RAI2: variants seen among roughly 807,000 people sequenced by gnomAD.
The protein encoded by RAI2 is retinoic acid induced 2.
Under a neutral mutation model 15.3 loss-of-function variants are expected in RAI2, and 5 were observed. That is an observed-to-expected ratio of 0.33 (90% CI 0.17 to 0.69). The LOEUF (loss-of-function observed/expected upper bound fraction) is 0.69, where lower values mean the gene tolerates loss of function less well. Ranked by LOEUF, RAI2 falls within the 30% of genes least tolerant of loss-of-function variation. The pLI, the probability that RAI2 is intolerant of heterozygous loss-of-function variation, is 0.69. For synonymous variants in RAI2, 191 were observed against 184.0 expected, an observed-to-expected ratio of 1.04 and a Z score of -0.31; for missense variants, 424 against 424.7, an observed-to-expected ratio of 1.00 and a Z score of 0.01.
At chrX:17,840,744 T>C (rs2067387320) in intron 1 of RAI2, among the ~76,000 whole-genome samples, 1 of 111,799 alleles carries the variant, frequency 8.9e-6, no homozygotes, top group Admixed American at 9.5e-5. Context: ...CTTCACTCCA[T>C]CCCAGACAGC....
chrX:17,810,322 G>A (rs773830466), intron 1 of RAI2, among the ~76,000 whole-genome samples: 1 of 112,071 alleles, frequency 8.9e-6, no homozygotes, highest in South Asian at 3.7e-4. Context: ...AGCATCTAAC[G>A]CCAAAGTATG....
chrX:17,822,000 C>T (rs2067170460), intron 1 of RAI2, among the ~76,000 whole-genome samples: 1 of 111,077 alleles, frequency 9.0e-6, no homozygotes, highest in African/African-American at 3.3e-5. Context: ...TGGCTAATTC[C>T]TTAGGGCCAT....
At chrX:17,844,954 A>G (rs1271420475) in intron 1 of RAI2, among the ~76,000 whole-genome samples, 1 of 112,614 alleles carries the variant, frequency 8.9e-6, no homozygotes, top group Non-Finnish European at 1.9e-5. Context: ...AATTTTTAAC[A>G]CATCTCCCAT....
intron 1 of RAI2, among the ~76,000 whole-genome samples, chrX:17,830,769 T>C (rs1479190999): frequency 9.0e-6 from 1 of 111,281 alleles, no homozygotes; most frequent in Non-Finnish European, 1.9e-5. Flanking sequence ...CCACAACCTG[T>C]CACAAGCTAG....
At chrX:17,816,240 G>A (rs768020219) in intron 1 of RAI2, among the ~76,000 whole-genome samples, 4 of 111,016 alleles carry the variant, frequency 3.6e-5, no homozygotes, top group African/African-American at 1.3e-4. Flanking sequence ...TTGTTGGATT[G>A]TTGCTTCCCA....
intron 1 of RAI2, among the ~76,000 whole-genome samples, chrX:17,803,063 A>G (rs1003661823): frequency 1.8e-5 from 2 of 111,237 alleles, no homozygotes; most frequent in Non-Finnish European, 1.9e-5. Context: ...TAATTCAATA[A>G]TCCTCAGTTT....
intron 1 of RAI2, among the ~76,000 whole-genome samples, chrX:17,824,336 G>A (rs766235823): frequency 7.1e-5 from 8 of 112,354 alleles, no homozygotes; most frequent in Non-Finnish European, 1.5e-4. Context: ...GACACTCTAG[G>A]GCAATGGTGC....
chrX:17,859,038 G>A (rs890258017), intron 1 of RAI2, among the ~76,000 whole-genome samples: 1 of 111,466 alleles, frequency 9.0e-6, no homozygotes, highest in Admixed American at 9.5e-5. Flanking sequence ...GTGGGGGTGT[G>A]GGGGCAGGTG....
intron 1 of RAI2, among the ~76,000 whole-genome samples, chrX:17,828,923 T>C (rs769307220): frequency 1.8e-5 from 2 of 111,687 alleles, no homozygotes; most frequent in Non-Finnish European, 3.8e-5. Flanking sequence ...GGCCTCACAC[T>C]GCATGTGGCT....
intron 1 of RAI2, among the ~76,000 whole-genome samples, chrX:17,852,657 T>C (rs889575463): frequency 1.8e-5 from 2 of 112,147 alleles, no homozygotes; most frequent in African/African-American, 6.5e-5. Flanking sequence ...TTCTAGCCTT[T>C]CAAGGGACTA....
chrX:17,854,899 A>G (rs900982919), intron 1 of RAI2, among the ~76,000 whole-genome samples: 1 of 112,223 alleles, frequency 8.9e-6, no homozygotes, highest in South Asian at 3.8e-4. Context: ...CAGCCCCCTC[A>G]GGAGCCAGAG....
chrX:17,853,507 C>T (rs902021818), intron 1 of RAI2, among the ~76,000 whole-genome samples: 1 of 111,294 alleles, frequency 9.0e-6, no homozygotes, highest in South Asian at 3.8e-4. Context: ...GTGGTGTTAA[C>T]GGTATCTAGT....
At chrX:17,860,132 C>T (rs2067668715) in intron 1 of RAI2, among the ~76,000 whole-genome samples, 2 of 111,315 alleles carry the variant, frequency 1.8e-5, no homozygotes, top group African/African-American at 6.6e-5. Context: ...TCCATCCATC[C>T]GTCGTGCCCC....
chrX:17,829,329 C>T (rs2067259227), intron 1 of RAI2, among the ~76,000 whole-genome samples: 1 of 106,765 alleles, frequency 9.4e-6, no homozygotes, highest in Non-Finnish European at 1.9e-5. Flanking sequence ...AGGATGCTGT[C>T]CAGAGAAATG....
At chrX:17,814,925 G>C (rs1227292078) in intron 1 of RAI2, among the ~76,000 whole-genome samples, 1 of 106,856 alleles carries the variant, frequency 9.4e-6, no homozygotes, top group African/African-American at 3.4e-5. Context: ...TTCATCAGCT[G>C]CATGCTGCCT....
intron 1 of RAI2, among the ~76,000 whole-genome samples, chrX:17,836,039 A>C (rs1043304108): frequency 8.9e-6 from 1 of 111,823 alleles, no homozygotes; most frequent in Non-Finnish European, 1.9e-5. Context: ...CCTCAGAGAT[A>C]CAGAGTAGCT....
chrX:17,822,187 T>C (rs2067173645), intron 1 of RAI2, among the ~76,000 whole-genome samples: 2 of 111,882 alleles, frequency 1.8e-5, no homozygotes, highest in African/African-American at 6.5e-5. Flanking sequence ...GATTAATAAT[T>C]TTACATTTAT....
At chrX:17,808,957 A>G (rs953035914) in intron 1 of RAI2, among the ~76,000 whole-genome samples, 1 of 112,378 alleles carries the variant, frequency 8.9e-6, no homozygotes, top group Non-Finnish European at 1.9e-5. Context: ...AGTAATTCCA[A>G]CTGGGTAACA....
chrX:17,802,802 G>C (rs1316178538), intron 1 of RAI2, among the ~76,000 whole-genome samples: 2 of 111,660 alleles, frequency 1.8e-5, no homozygotes, highest in African/African-American at 6.5e-5. Context: ...TGGAACACTT[G>C]TTGGAAACGA....
Sources: gnomAD v4.1 joint callset for allele counts (sites outside exome capture counted in the v4.1 genomes callset) on GRCh38, gnomAD v4.1.1 for gene constraint, MANE v1.5 for transcripts, NCBI Gene and HGNC (gene_info 2026-07-23, HGNC 2026-07-21) for gene names.